Variants in CILP2 observed in about 807,000 individuals in gnomAD.
CILP2 encodes the protein cartilage intermediate layer protein 2, also known as CILP-2.
CILP2 carries 38 observed loss-of-function variants against 45.6 expected under a neutral mutation model. The observed-to-expected ratio is 0.83, with a 90% CI of 0.64 to 1.09. The LOEUF is 1.09. Ranked by LOEUF, CILP2 falls within the 50% of genes least tolerant of loss-of-function variation. CILP2 has a pLI of 0.00. For missense variants in CILP2, 1,735 were observed against 1,662.2 expected (o/e 1.04, Z -0.76); for synonymous variants, 780 against 723.5 (o/e 1.08, Z -1.25).
rs780512078 is a variant in CILP2, at chr19:19,545,564, A to C, written c.3019A>C (p.Arg1007=). 29 of 1,611,468 alleles carry C rather than the reference A, an allele frequency of 1.8e-5. No individual in the cohort carries two copies. In the South Asian group the frequency reaches 3.2e-4, roughly 18 times the overall value. Residue 1007 remains arginine (R), a synonymous_variant, in exon 8 of 8, where the codon AGG becomes CGG. Coordinates refer to ENST00000291495, the MANE Select transcript of CILP2 (RefSeq NM_153221.2). ...GMLFDQRQVD[R]TLVTIMPQGS... The stretch of plus-strand genomic sequence containing the variant: ...GCTGTTCGACCAGCGGCAGGTGGAC[A>C]GGACGCTGGTGACCATTATGCCCCA...
rs535674990 is a variant in CILP2, at chr19:19,540,153, A to T, written c.164-51A>T. On this transcript the variant is annotated intron_variant, in intron 2 of 7. Coordinates refer to ENST00000291495, the MANE Select transcript of CILP2 (RefSeq NM_153221.2). Reference sequence around the variant, plus strand: ...GCAAGTAAGGCCTTTGCACGCATGCATGGGGGCCTACAGGCCGCCGCCCTG... The same window carrying T: ...GCAAGTAAGGCCTTTGCACGCATGCTTGGGGGCCTACAGGCCGCCGCCCTG... 87 of 1,490,608 alleles carry T rather than the reference A, an allele frequency of 5.8e-5. No homozygotes were observed. The East Asian group carries it at 2.2e-3, about 37-fold the overall frequency. The allele number at this position is 1,490,608 out of a possible 1,614,324, so 92.3% of individuals were successfully genotyped here.
Position 19,543,722 on chromosome 19 carries a change from C to G in CILP2, c.1177C>G (p.Leu393Val), listed in dbSNP as rs924686660. The part of the protein sequence containing the change: ...PACDPRPREY[L>V]IKLPEDCGQP... ...CTGCGACCCCCGGCCCCGAGAGTACCTGATCAAGCTCCCTGAGGACTGTGG... is the reference window on the plus strand; with the variant it reads ...CTGCGACCCCCGGCCCCGAGAGTACGTGATCAAGCTCCCTGAGGACTGTGG... Residue 393 changes from leucine to valine, a missense_variant, in exon 8 of 8, where the codon CTG becomes GTG. By Grantham distance (32) the Leu-to-Val change is conservative (BLOSUM62 1). Coordinates refer to ENST00000291495, the MANE Select transcript of CILP2 (RefSeq NM_153221.2). 1.2e-6 allele frequency: 2 copies of G among 1,608,236 alleles called. No homozygotes were observed. Among genetic ancestry groups the G allele is most frequent in the African/African-American group, 2.7e-5 (2 of 74,786 alleles).
At position 19,543,795 on chromosome 19, in the gene CILP2, A is replaced by C. The variant is rs144574432; in HGVS notation, c.1250A>C (p.Asp417Ala). 8.7e-6 allele frequency: 14 copies of C among 1,613,768 alleles called. No individual in the cohort carries two copies. Among genetic ancestry groups the C allele is most frequent in the Non-Finnish European group, 1.1e-5 (13 of 1,179,918 alleles). ...TACCTGGATGTGGGCCTCTGTCCCG[A>C]CACCCGCTGCCCCAGCCTGGCAGGC... ...PAYLDVGLCP[D>A]TRCPSLAGSS... The change falls in exon 8 of 8, where the codon GAC becomes GCC. Residue 417 changes from aspartate (D) to alanine (A), a missense_variant. Coordinates refer to ENST00000291495, the MANE Select transcript of CILP2 (RefSeq NM_153221.2).
Position 19,544,068 on chromosome 19 carries a change from A to G in CILP2, c.1523A>G (p.Asp508Gly). The G allele has an allele frequency of 6.2e-7, 1 of 1,613,908 alleles. No homozygotes were observed. The part of the protein sequence containing the change: ...EPIGFTAYQG[D>G]FTIEVPPSTQ... ...ATCGGCTTCACCGCCTACCAGGGCGACTTTACCATTGAGGTGCCGCCCTCC... is the reference window on the plus strand; with the variant it reads ...ATCGGCTTCACCGCCTACCAGGGCGGCTTTACCATTGAGGTGCCGCCCTCC... Residue 508 changes from aspartate to glycine, a missense_variant, in exon 8 of 8, where the codon GAC becomes GGC. Asp to Gly is a moderately conservative substitution (Grantham distance 94). Coordinates refer to ENST00000291495, the MANE Select transcript of CILP2 (RefSeq NM_153221.2).
chr19:19,541,277 C>T (rs2061242758), intron 4 of CILP2, 31 bp downstream of exon 4: 2 of 1,278,796 alleles, frequency 1.6e-6, no homozygotes, highest in Non-Finnish European at 2.0e-6. Flanking sequence ...AGGCTGGGAC[C>T]TGTACAGAGG....
chr19:19,545,166 C>T lies in CILP2; in HGVS notation c.2621C>T (p.Ala874Val), dbSNP rs768202991. Residue 874 changes from alanine to valine, a missense_variant, in exon 8 of 8, where the codon GCC becomes GTC. Coordinates refer to ENST00000291495, the MANE Select transcript of CILP2 (RefSeq NM_153221.2). ...AKPRPGDPAE[A>V]NGPVYPWRSL... ...CCCAGGCCAGGTGACCCCGCCGAGG[C>T]CAATGGGCCTGTGTACCCGTGGCGC... 3.1e-6 allele frequency: 5 copies of T among 1,612,654 alleles called. No individual in the cohort carries two copies. The highest frequency in any genetic ancestry group is 3.4e-6 in the Non-Finnish European group (4 of 1,179,878).
rs778080101 is a variant in CILP2 at position 19,538,347 on chromosome 19, G to T, written c.-3G>T. Reference sequence around the variant, plus strand: ...ACCCTCCCTCGGACGCTCTGCCCCGGCCATGGCGTCGCTGCTGCCACTGCT... The same window carrying T: ...ACCCTCCCTCGGACGCTCTGCCCCGTCCATGGCGTCGCTGCTGCCACTGCT... On this transcript the variant is annotated 5_prime_UTR_variant, in exon 1 of 8. Coordinates refer to ENST00000291495, the MANE Select transcript of CILP2 (RefSeq NM_153221.2). 9 of 1,579,134 alleles carry T rather than the reference G, an allele frequency of 5.7e-6. No homozygotes were observed. In the Admixed American group the frequency reaches 1.0e-4, roughly 18 times the overall value.
intron 7 of CILP2, 78 bp from the exon 8 acceptor site, chr19:19,543,603 C>A: frequency 1.4e-6 from 2 of 1,454,904 alleles, no homozygotes; most frequent in African/African-American, 1.4e-5. Flanking sequence ...GAGTCCTTGA[C>A]TGCAGACAGA....
Position 19,539,641 on chromosome 19 carries a change from T to C in CILP2, c.65-38T>C, listed in dbSNP as rs781436784. 4.3e-5 allele frequency: 62 copies of C among 1,453,894 alleles called. 1 individual carries two copies. In the Middle Eastern group the frequency reaches 9.1e-4, roughly 21 times the overall value. 90.1% of individuals were successfully genotyped at this position (1,453,894 alleles called of 1,614,324 possible). On this transcript the variant is annotated intron_variant, in intron 1 of 7. Transcript: ENST00000291495. ...GGAGGCTCCCAGCGGTCCCCATCAG[T>C]AGCAGCGTGCTTCCTTCTCCCCACT...
rs1289697497 is a variant in CILP2 at position 19,544,844 on chromosome 19, C to A, written c.2299C>A (p.Pro767Thr). ...GVVVTLVNLE[P>T]APGFSANPRA... ...GGTGGTCACGCTGGTCAATCTGGAGCCCGCCCCCGGCTTCTCCGCCAACCC... is the reference window on the plus strand; with the variant it reads ...GGTGGTCACGCTGGTCAATCTGGAGACCGCCCCCGGCTTCTCCGCCAACCC... The change falls in exon 8 of 8, where the codon CCC (proline) becomes ACC (threonine). Residue 767 changes from proline (P) to threonine (T), a missense_variant. By Grantham distance (38) the Pro-to-Thr change is conservative. Coordinates refer to ENST00000291495, the MANE Select transcript of CILP2 (RefSeq NM_153221.2). 2 of 1,599,524 alleles carry A rather than the reference C, an allele frequency of 1.3e-6. No individual in the cohort carries two copies. Among genetic ancestry groups the A allele is most frequent in the African/African-American group, 2.7e-5 (2 of 74,852 alleles).
Position 19,545,994 on chromosome 19 carries a change from G to A in CILP2, c.3449G>A (p.Arg1150His), listed in dbSNP as rs766412226. 1.5e-5 allele frequency: 22 copies of A among 1,499,574 alleles called. No homozygotes were observed. The highest frequency in any genetic ancestry group is 2.2e-5 in the Admixed American group (1 of 45,220). The allele number at this position is 1,499,574 out of a possible 1,614,324, so 92.9% of individuals were successfully genotyped here. ...CGGGCCTCAGGTCCCCTCCGCACCC[G>A]CCGGGGTAGGGTCCGGCAGTGACCT... ...QARASGPLRTRRGRVRQ is the reference protein window; with the variant it reads ...QARASGPLRTHRGRVRQ The change falls in exon 8 of 8, where the codon CGC becomes CAC. Residue 1150 changes from arginine to histidine, a missense_variant. Coordinates refer to ENST00000291495, the MANE Select transcript of CILP2 (RefSeq NM_153221.2).
At position 19,544,760 on chromosome 19, in the gene CILP2, G is replaced by A. The variant is rs1453054274; in HGVS notation, c.2215G>A (p.Val739Met). 1.2e-6 allele frequency: 2 copies of A among 1,606,896 alleles called. No individual in the cohort carries two copies. The highest frequency in any genetic ancestry group is 1.1e-5 in the South Asian group (1 of 91,034). The change falls in exon 8 of 8, where the codon GTG (valine) becomes ATG (methionine). Residue 739 changes from valine (V) to methionine (M), a missense_variant. Coordinates refer to ENST00000291495, the MANE Select transcript of CILP2 (RefSeq NM_153221.2). Reference sequence around the variant, plus strand: ...CGTGCCTGAGCGCCGCCGCTGCTTCGTGAAGGTGCGCGCCTACGCCAACGA... The same window carrying A: ...CGTGCCTGAGCGCCGCCGCTGCTTCATGAAGGTGCGCGCCTACGCCAACGA... ...LDVPERRRCFVKVRAYANDKF... is the reference protein window; with the variant it reads ...LDVPERRRCFMKVRAYANDKF...
rs777183289 is a variant in CILP2 at position 19,544,847 on chromosome 19, GCCC to G, written c.2305_2307del (p.Pro769del). On this transcript the variant is annotated inframe_deletion, in exon 8 of 8. Coordinates refer to ENST00000291495, the MANE Select transcript of CILP2 (RefSeq NM_153221.2). ...GGTCACGCTGGTCAATCTGGAGCCC[GCCC>G]CCGGCTTCTCCGCCAACCCCCGTGC... is the stretch of plus-strand genomic sequence containing the variant. 1 of 1,598,288 alleles carries G rather than the reference GCCC, an allele frequency of 6.3e-7. No individual in the cohort carries two copies. The highest frequency in any genetic ancestry group is 8.5e-7 in the Non-Finnish European group (1 of 1,178,584).
rs1259147255 is a variant in CILP2 at position 19,542,490 on chromosome 19, T to G, written c.708T>G (p.Thr236=). 5 of 1,613,840 alleles carry G rather than the reference T, an allele frequency of 3.1e-6. No homozygotes were observed. Among genetic ancestry groups the G allele is most frequent in the Non-Finnish European group, 1.7e-6 (2 of 1,180,020 alleles). The change falls in exon 5 of 8, where the codon ACT becomes ACG. Residue 236 remains threonine, a synonymous_variant. Coordinates refer to ENST00000291495, the MANE Select transcript of CILP2 (RefSeq NM_153221.2). Reference sequence around the variant, plus strand: ...TCTCCCTGCGAGACCAGCCTGGCACTGTGGCCACCAGCGATGCTCACGGAA... The same window carrying G: ...TCTCCCTGCGAGACCAGCCTGGCACGGTGGCCACCAGCGATGCTCACGGAA... The part of the protein sequence containing the change: ...ARVSLRDQPG[T]VATSDAHGTF...
chr19:19,546,146 C>G lies in CILP2; in HGVS notation c.*130C>G. ...TCCCCTTTCCCGCCCCTTTCCAGAA[C>G]TCAGAGTCAGACAAGAACCCAGAGC... On this transcript the variant is annotated 3_prime_UTR_variant, in exon 8 of 8. Coordinates refer to ENST00000291495, the MANE Select transcript of CILP2 (RefSeq NM_153221.2). The G allele has an allele frequency of 1.5e-6, 1 of 689,190 alleles. No individual in the cohort carries two copies. The highest frequency in any genetic ancestry group is 2.2e-6 in the Non-Finnish European group (1 of 459,296). 42.7% of individuals were successfully genotyped at this position (689,190 alleles called of 1,614,324 possible). A position where few individuals can be genotyped will look rare whatever the true frequency, so the allele number is the denominator to read the frequency against.
intron 5 of CILP2, 69 bp downstream of exon 5, chr19:19,542,719 A>G (rs2061249043): frequency 1.4e-6 from 2 of 1,479,096 alleles, no homozygotes; most frequent in East Asian, 4.5e-5. Flanking sequence ...GCACTCGATC[A>G]AGAGAGGAAG....
intron 2 of CILP2, 21 bp downstream of exon 2, chr19:19,539,798 G>A (rs1211419657): frequency 6.4e-7 from 1 of 1,551,538 alleles, no homozygotes; most frequent in Non-Finnish European, 8.7e-7. Context: ...CTGCCTCGGA[G>A]TCCCGTCTCT....
chr19:19,540,814 A>C (rs2061240640), intron 3 of CILP2: 2 of 421,212 alleles, frequency 4.7e-6, no homozygotes, highest in Non-Finnish European at 8.3e-6. Context: ...GAGTGTCTTG[A>C]GCCCAAATGC....
intron 4 of CILP2, among the ~76,000 whole-genome samples, chr19:19,541,590 C>T (rs941438705): frequency 2.0e-5 from 3 of 152,188 alleles, no homozygotes; most frequent in African/African-American, 7.2e-5. Flanking sequence ...CAGACATGGG[C>T]AGATAGGAGG....
Sources: gnomAD v4.1 joint callset for allele counts (sites outside exome capture counted in the v4.1 genomes callset) on GRCh38, gnomAD v4.1.1 for gene constraint, MANE v1.5 for transcripts, NCBI Gene and HGNC (gene_info 2026-07-23, HGNC 2026-07-21) for gene names.